SMARCC1: variants seen among roughly 807,000 people sequenced by gnomAD.
SMARCC1 encodes SWI/SNF complex subunit SMARCC1.
In SMARCC1, 43 loss-of-function variants were observed where a neutral mutation model predicts 147.4. The observed-to-expected ratio is 0.29, with a 90% CI of 0.23 to 0.38. The LOEUF is 0.38. Among genes scored for constraint, SMARCC1 ranks in the 10% least tolerant of loss-of-function variants. The pLI is 1.00. For synonymous variants in SMARCC1, 495 were observed against 484.4 expected (o/e 1.02, Z -0.29); for missense variants, 1,119 against 1,381.1 (o/e 0.81, Z 3.01).
intron 24 of SMARCC1, among the ~76,000 whole-genome samples, chr3:47,627,361 T>C (rs2032824417): frequency 6.6e-6 from 1 of 152,102 alleles, no homozygotes; most frequent in Non-Finnish European, 1.5e-5. Context: ...CTTGTGGATA[T>C]GGCTGGGGCA....
intron 3 of SMARCC1, among the ~76,000 whole-genome samples, chr3:47,743,687 C>T (rs2034534705): frequency 6.6e-6 from 1 of 151,754 alleles, no homozygotes; most frequent in Non-Finnish European, 1.5e-5. Context: ...GTGGCAGGCA[C>T]CTGTAATCCC....
chr3:47,781,287 C>A (rs1229460622), intron 1 of SMARCC1, among the ~76,000 whole-genome samples: 2 of 152,220 alleles, frequency 1.3e-5, no homozygotes, highest in African/African-American at 4.8e-5. Flanking sequence ...TCATTGTTCA[C>A]ACACCTAAGG....
At chr3:47,630,473 T>C (rs2032871655) in intron 24 of SMARCC1, among the ~76,000 whole-genome samples, 2 of 152,140 alleles carry the variant, frequency 1.3e-5, no homozygotes, top group South Asian at 2.1e-4. Flanking sequence ...TGGAGATAAA[T>C]GATTAACAAG....
intron 2 of SMARCC1, among the ~76,000 whole-genome samples, chr3:47,761,308 A>C (rs1249649021): frequency 6.6e-6 from 1 of 152,150 alleles, no homozygotes; most frequent in Non-Finnish European, 1.5e-5. Context: ...TCTCAGAAAA[A>C]AAAAAGACAG....
chr3:47,671,197 A>AAAAAAAAC (rs1157129603), intron 18 of SMARCC1, among the ~76,000 whole-genome samples: 1 of 62,358 alleles, frequency 1.6e-5, no homozygotes, highest in Non-Finnish European at 4.1e-5. Context: ...AAAAAAAAAA[A>AAAAAAAAC]ACACACACAA....
At position 47,590,720 on chromosome 3, in the gene SMARCC1, G is replaced by A; in HGVS notation, c.3161C>T (p.Pro1054Leu). 6.3e-7 allele frequency: 1 copy of A among 1,581,750 alleles called. No individual in the cohort carries two copies. The highest frequency in any genetic ancestry group is 1.4e-5 in the African/African-American group (1 of 72,848). ...TCCTAAGATGTTTCCTGGCATTGGT[G>A]GCATGCCAGGAGGGGTAGGGCCACT... ...SGSGPTPPGM[P>L]PMPGNILGPR... Residue 1054 changes from proline (P) to leucine (L), a missense_variant, in exon 27 of 28, where the codon CCA (proline) becomes CTA (leucine). By Grantham distance (98) the Pro-to-Leu change is moderately conservative. Coordinates refer to ENST00000254480, the MANE Select transcript of SMARCC1 (RefSeq NM_003074.4).
At chr3:47,759,641 AAG>A (rs1260300147) in intron 2 of SMARCC1, among the ~76,000 whole-genome samples, 161 of 149,352 alleles carry the variant, frequency 1.1e-3, no homozygotes, top group African/African-American at 3.6e-3. Context: ...AAAAAAGAAA[AAG>A]AAAAAATTTA....
intron 2 of SMARCC1, among the ~76,000 whole-genome samples, chr3:47,772,585 T>C (rs759236901): frequency 2.6e-5 from 4 of 152,138 alleles, no homozygotes; most frequent in Non-Finnish European, 2.9e-5. Context: ...AGTAAAATAT[T>C]GTTAGGTCTT....
intron 18 of SMARCC1, among the ~76,000 whole-genome samples, chr3:47,674,222 C>A (rs2033540424): frequency 6.6e-6 from 1 of 152,220 alleles, no homozygotes; most frequent in Admixed American, 6.5e-5. Flanking sequence ...TTTAACCACA[C>A]AGATTACCCT....
intron 24 of SMARCC1, among the ~76,000 whole-genome samples, chr3:47,624,015 G>A (rs541657251): frequency 3.3e-5 from 5 of 151,988 alleles, no homozygotes; most frequent in South Asian, 2.1e-4. Flanking sequence ...TTGGTCAGCC[G>A]TGGTGGCTCA....
intron 21 of SMARCC1, among the ~76,000 whole-genome samples, chr3:47,647,348 C>T (rs902778333): frequency 1.3e-5 from 2 of 152,126 alleles, no homozygotes; most frequent in African/African-American, 4.8e-5. Flanking sequence ...ATATTCAATA[C>T]GTTAGCAAGC....
intron 7 of SMARCC1, among the ~76,000 whole-genome samples, chr3:47,718,165 C>T (rs1004822100): frequency 7.0e-5 from 10 of 142,364 alleles, no homozygotes; most frequent in African/African-American, 2.7e-4. Flanking sequence ...AAAAAAAAGG[C>T]CAGGCACGGT....
intron 21 of SMARCC1, among the ~76,000 whole-genome samples, chr3:47,648,342 T>C (rs1231812572): frequency 6.6e-6 from 1 of 152,148 alleles, no homozygotes; most frequent in Non-Finnish European, 1.5e-5. Context: ...CTTTTTTTTG[T>C]GAAGCATTCC....
chr3:47,745,866 A>G lies in SMARCC1; in HGVS notation c.401+42T>C, dbSNP rs369755809. On this transcript the variant is annotated intron_variant, in intron 3 of 27. Coordinates refer to ENST00000254480, the MANE Select transcript of SMARCC1 (RefSeq NM_003074.4). ...ACAAGGAAACAGGACTTAAAAGTAAATAACTTAAGATCAAAACATGCAAAC... is the reference window on the plus strand; with the variant it reads ...ACAAGGAAACAGGACTTAAAAGTAAGTAACTTAAGATCAAAACATGCAAAC... 4.1e-6 allele frequency: 5 copies of G among 1,221,418 alleles called. No homozygotes were observed. In the South Asian group the frequency reaches 4.4e-5, roughly 11 times the overall value. 75.7% of individuals were successfully genotyped at this position (1,221,418 alleles called of 1,614,324 possible).
intron 7 of SMARCC1, among the ~76,000 whole-genome samples, chr3:47,717,456 G>T (rs2034169613): frequency 6.6e-6 from 1 of 152,180 alleles, no homozygotes; most frequent in Non-Finnish European, 1.5e-5. Flanking sequence ...AATCAGAAAA[G>T]TACTTAAATA....
At chr3:47,741,962 G>C (rs963397880) in intron 3 of SMARCC1, among the ~76,000 whole-genome samples, 3 of 150,788 alleles carry the variant, frequency 2.0e-5, no homozygotes, top group Non-Finnish European at 4.4e-5. Flanking sequence ...ATTATAGCTT[G>C]CTGTCATCAT....
intron 2 of SMARCC1, among the ~76,000 whole-genome samples, chr3:47,771,671 G>C (rs1007905356): frequency 6.6e-6 from 1 of 152,128 alleles, no homozygotes; most frequent in Non-Finnish European, 1.5e-5. Flanking sequence ...TTGAACCCGG[G>C]AGGCAGAGGT....
At chr3:47,722,230 C>T (rs930264391) in intron 6 of SMARCC1, among the ~76,000 whole-genome samples, 2 of 150,448 alleles carry the variant, frequency 1.3e-5, no homozygotes, top group African/African-American at 4.9e-5. Flanking sequence ...AGACTATGCA[C>T]CTTTATGAAA....
At chr3:47,595,908 T>A (rs963947278) in intron 26 of SMARCC1, among the ~76,000 whole-genome samples, 6 of 151,762 alleles carry the variant, frequency 4.0e-5, no homozygotes, top group Admixed American at 3.3e-4. Context: ...CTAATTTTTT[T>A]ATTTTTAGTA....
Sources: allele counts gnomAD v4.1 joint callset (sites outside exome capture counted in the v4.1 genomes callset), GRCh38; gene constraint gnomAD v4.1.1; transcripts MANE v1.5; gene names NCBI Gene and HGNC (gene_info 2026-07-23, HGNC 2026-07-21).